Variants in DPP10 observed in about 807,000 individuals in gnomAD.
DPP10 encodes inactive dipeptidyl peptidase 10.
A neutral mutation model predicts 120.9 loss-of-function variants in DPP10; 33 were observed. That is an observed-to-expected ratio of 0.27 (90% CI 0.21 to 0.37). The LOEUF (loss-of-function observed/expected upper bound fraction) is 0.37, where lower values mean the gene tolerates loss of function less well. Among genes scored for constraint, DPP10 ranks in the 10% least tolerant of loss-of-function variants. The probability of loss-of-function intolerance (pLI) is 1.00; values close to 1 mark genes in which losing one functional copy is unlikely to be tolerated. For missense variants in DPP10, 816 were observed against 942.8 expected, an observed-to-expected ratio of 0.87 and a Z score of 1.76; for synonymous variants, 337 against 326.1, an observed-to-expected ratio of 1.03 and a Z score of -0.36.
At chr2:115,816,142 G>A (rs975365646) in intron 21 of DPP10, among the ~76,000 whole-genome samples, 1 of 152,012 alleles carries the variant, frequency 6.6e-6, no homozygotes, top group Non-Finnish European at 1.5e-5. Context: ...GGACAAAATG[G>A]GGCTTTGTTT....
At chr2:115,215,642 A>G (rs1405672642) in intron 1 of DPP10, among the ~76,000 whole-genome samples, 1 of 152,178 alleles carries the variant, frequency 6.6e-6, no homozygotes, top group Admixed American at 6.6e-5. Context: ...AGAAAAGGGA[A>G]CATATACATC....
At chr2:114,814,642 G>T (rs1463822262) in intron 1 of DPP10, among the ~76,000 whole-genome samples, 35 of 152,076 alleles carry the variant, frequency 2.3e-4, no homozygotes, top group Non-Finnish European at 4.7e-4. Flanking sequence ...GGGTCCTCAT[G>T]CAGTGGCTGC....
chr2:115,821,201 A>G (rs192075494), intron 21 of DPP10, among the ~76,000 whole-genome samples: 6 of 152,304 alleles, frequency 3.9e-5, no homozygotes, highest in East Asian at 1.9e-4. Context: ...AAGGTGCATT[A>G]AAGTATCCCT....
intron 1 of DPP10, among the ~76,000 whole-genome samples, chr2:115,078,538 G>C (rs957365828): frequency 1.3e-5 from 2 of 152,168 alleles, no homozygotes; most frequent in African/African-American, 4.8e-5. Flanking sequence ...ACAAATTGCT[G>C]TTTGTATAAC....
intron 1 of DPP10, among the ~76,000 whole-genome samples, chr2:114,832,014 A>G (rs1370155071): frequency 6.6e-6 from 1 of 151,796 alleles, no homozygotes; most frequent in Non-Finnish European, 1.5e-5. Flanking sequence ...ATGTTTGCAC[A>G]CATTTAAATG....
At chr2:115,405,228 G>C (rs1413013185) in intron 3 of DPP10, among the ~76,000 whole-genome samples, 1 of 152,136 alleles carries the variant, frequency 6.6e-6, no homozygotes. Flanking sequence ...CTTCCAAAAG[G>C]GAGAGAGAGG....
intron 1 of DPP10, among the ~76,000 whole-genome samples, chr2:114,928,356 G>C (rs955673986): frequency 6.6e-6 from 1 of 152,288 alleles, no homozygotes; most frequent in African/African-American, 2.4e-5. Flanking sequence ...AAGAGGGAGA[G>C]ATGAGCCAAA....
chr2:114,615,058 G>A (rs1693575506), intron 1 of DPP10, among the ~76,000 whole-genome samples: 1 of 152,106 alleles, frequency 6.6e-6, no homozygotes, highest in Non-Finnish European at 1.5e-5. Flanking sequence ...GTGAGTCCAT[G>A]GAATGTAGCT....
At chr2:115,430,667 T>A (rs1040813813) in intron 3 of DPP10, among the ~76,000 whole-genome samples, 6 of 152,186 alleles carry the variant, frequency 3.9e-5, no homozygotes, top group Admixed American at 2.0e-4. Context: ...GCTAAATTGA[T>A]AATCTCAGGT....
At chr2:114,803,068 G>A (rs1436286151) in intron 1 of DPP10, among the ~76,000 whole-genome samples, 1 of 152,120 alleles carries the variant, frequency 6.6e-6, no homozygotes, top group African/African-American at 2.4e-5. Context: ...CTCACGGGGA[G>A]GTACTTGAAT....
chr2:114,550,485 TCG>T (rs1687795541), intron 1 of DPP10, among the ~76,000 whole-genome samples: 4 of 152,228 alleles, frequency 2.6e-5, no homozygotes, highest in Non-Finnish European at 5.9e-5. Flanking sequence ...GGCTGGGACT[TCG>T]ACCAGACATC....
In DPP10 at chr2:115,845,413, A is replaced by G. The variant is rs1173012015; in HGVS notation, c.*3068A>G. On this transcript the variant is annotated 3_prime_UTR_variant, in exon 26 of 26. Transcript: ENST00000410059. ...GAGACAAATCGCTTACATGCTGCAAACCGATGTGAAGGTGTTACTAACCCG... is the reference window on the plus strand; with the variant it reads ...GAGACAAATCGCTTACATGCTGCAAGCCGATGTGAAGGTGTTACTAACCCG... 6.6e-6 allele frequency: 1 copy of G among 152,166 alleles called. No homozygotes were observed. The highest frequency in any genetic ancestry group is 1.5e-5 in the Non-Finnish European group (1 of 68,048). The allele number at this position is 152,166 out of a possible 1,614,324, so 9.4% of individuals were successfully genotyped here. A position where few individuals can be genotyped will look rare whatever the true frequency, so the allele number is the denominator to read the frequency against.
At chr2:115,289,485 C>CAAAAAAAAAAAAAAAAAAAAA (rs71394125) in intron 1 of DPP10, among the ~76,000 whole-genome samples, 1 of 38,908 alleles carries the variant, frequency 2.6e-5, no homozygotes, top group African/African-American at 9.7e-5. Flanking sequence ...CATAAGAAAC[C>CAAAAAAAAAAAAAAAAAAAAA]AAAAAAAAAA....
intron 1 of DPP10, among the ~76,000 whole-genome samples, chr2:114,818,393 C>T (rs949901263): frequency 6.6e-6 from 1 of 152,074 alleles, no homozygotes; most frequent in Non-Finnish European, 1.5e-5. Flanking sequence ...TTCCAGTCTC[C>T]CAAATTACTA....
chr2:115,633,711 A>T (rs1384437246), intron 5 of DPP10, among the ~76,000 whole-genome samples: 3 of 152,090 alleles, frequency 2.0e-5, no homozygotes, highest in African/African-American at 7.2e-5. Flanking sequence ...GGCTGCCTTT[A>T]ACATTTTTTC....
intron 3 of DPP10, among the ~76,000 whole-genome samples, chr2:115,395,841 CATT>C (rs1225848221): frequency 1.3e-5 from 2 of 151,878 alleles, no homozygotes; most frequent in African/African-American, 4.8e-5. Flanking sequence ...GGGAATGACA[CATT>C]ATATTTATTT....
At chr2:115,011,733 T>C (rs1702278100) in intron 1 of DPP10, among the ~76,000 whole-genome samples, 1 of 152,130 alleles carries the variant, frequency 6.6e-6, no homozygotes, top group South Asian at 2.1e-4. Flanking sequence ...TCCTCAACTT[T>C]TGCTCCAAGA....
chr2:115,502,895 A>G (rs2076756965), intron 4 of DPP10, among the ~76,000 whole-genome samples: 1 of 150,994 alleles, frequency 6.6e-6, no homozygotes, highest in African/African-American at 2.4e-5. Context: ...TTAGAAATGG[A>G]GTCTCACTAT....
chr2:114,471,867 G>T (rs937388219), intron 1 of DPP10, among the ~76,000 whole-genome samples: 6 of 152,180 alleles, frequency 3.9e-5, no homozygotes, highest in Non-Finnish European at 8.8e-5. Flanking sequence ...GTGAAATTTA[G>T]TACTATCAAG....
Sources: gnomAD v4.1 joint callset for allele counts (sites outside exome capture counted in the v4.1 genomes callset) on GRCh38, gnomAD v4.1.1 for gene constraint, MANE v1.5 for transcripts, NCBI Gene and HGNC (gene_info 2026-07-23, HGNC 2026-07-21) for gene names.